The following TFDP2 variants were observed in gnomAD, a reference collection of about 807,000 sequenced individuals.
TFDP2 encodes the protein transcription factor Dp-2.
In TFDP2, 17 loss-of-function variants were observed where a neutral mutation model predicts 59.3. The observed-to-expected ratio is 0.29, with a 90% CI of 0.20 to 0.43. TFDP2 has a LOEUF of 0.43. Ranked by LOEUF, TFDP2 falls within the 20% of genes least tolerant of loss-of-function variation. The pLI is 1.00. For synonymous variants in TFDP2, 180 were observed against 194.7 expected (o/e 0.92, Z 0.63); for missense variants, 391 against 528.8 (o/e 0.74, Z 2.56).
At chr3:142,033,638 G>C (rs4683661) in intron 3 of TFDP2, among the ~76,000 whole-genome samples, 11,033 of 152,262 alleles carry the variant, frequency 0.072, 505 homozygotes, top group Non-Finnish European at 0.11. Context: ...GTTAGGGAGG[G>C]ACAAAATTTT....
chr3:142,040,703 T>G (rs1428877006), intron 3 of TFDP2, among the ~76,000 whole-genome samples: 1 of 152,210 alleles, frequency 6.6e-6, no homozygotes, highest in Non-Finnish European at 1.5e-5. Flanking sequence ...ATGTTGGGAT[T>G]ACAGGTGTGA....
chr3:142,137,434 G>A (rs1163255729), intron 1 of TFDP2, among the ~76,000 whole-genome samples: 2 of 152,208 alleles, frequency 1.3e-5, no homozygotes, highest in African/African-American at 2.4e-5. Flanking sequence ...TAGAAGTGGT[G>A]AGAGAGGGCA....
At chr3:142,120,485 A>G (rs943619356) in intron 1 of TFDP2, among the ~76,000 whole-genome samples, 2 of 152,244 alleles carry the variant, frequency 1.3e-5, no homozygotes, top group African/African-American at 4.8e-5. Flanking sequence ...GGATGCAATC[A>G]TTAGTAATAA....
Position 141,995,035 on chromosome 3 carries a change from G to A in TFDP2, c.293C>T (p.Thr98Ile), listed in dbSNP as rs1316709187. The change falls in exon 5 of 13, where the codon ACT (threonine) becomes ATT (isoleucine). Residue 98 changes from threonine (T) to isoleucine (I), a missense_variant. Thr to Ile is a moderately conservative substitution (Grantham distance 89). Transcript: ENST00000489671. ...MVTQTHIAEA[T>I]GWVPGDRKRA... ...ACACTCTTACCCAGGGACCCAGCCA[G>A]TAGCTTCTGCTATGTGTGTCTGAGT... The A allele has an allele frequency of 1.3e-6, 2 of 1,595,924 alleles. No homozygotes were observed. The highest frequency in any genetic ancestry group is 1.7e-6 in the Non-Finnish European group (2 of 1,171,340).
intron 5 of TFDP2, among the ~76,000 whole-genome samples, chr3:141,993,794 C>A (rs992299318): frequency 6.6e-6 from 1 of 152,110 alleles, no homozygotes; most frequent in East Asian, 1.9e-4. Flanking sequence ...TTGAAAAGAG[C>A]TCAATGACTA....
chr3:141,978,439 A>G, intron 7 of TFDP2, 81 bp downstream of exon 7: 1 of 1,390,202 alleles, frequency 7.2e-7, no homozygotes, highest in African/African-American at 1.5e-5. Context: ...TATAGTCGTG[A>G]TTCCTCAAAT....
At chr3:142,020,043 A>G (rs1433247006) in intron 3 of TFDP2, among the ~76,000 whole-genome samples, 1 of 152,196 alleles carries the variant, frequency 6.6e-6, no homozygotes, top group African/African-American at 2.4e-5. Flanking sequence ...AGCTTCAAAT[A>G]CAGTACTGAA....
At chr3:142,144,404 G>T (rs2063087972) in intron 1 of TFDP2, among the ~76,000 whole-genome samples, 1 of 151,866 alleles carries the variant, frequency 6.6e-6, no homozygotes, top group Non-Finnish European at 1.5e-5. Flanking sequence ...GGGGTGGAGG[G>T]GTTTGAATTT....
In TFDP2 at chr3:141,948,121, C is replaced by T. The variant is rs145252632; in HGVS notation, c.*4392G>A. 1 of 152,300 alleles carries T rather than the reference C, an allele frequency of 6.6e-6. No homozygotes were observed. Among genetic ancestry groups the T allele is most frequent in the Non-Finnish European group, 1.5e-5 (1 of 68,118 alleles). The allele number at this position is 152,300 out of a possible 1,614,324, so 9.4% of individuals were successfully genotyped here. A position where few individuals can be genotyped will look rare whatever the true frequency, so the allele number is the denominator to read the frequency against. ...AAGATTCACTGTCCAACCCCCACCC[C>T]TTACTTACCACTAAGGCAGCACAGT... On this transcript the variant is annotated 3_prime_UTR_variant, in exon 13 of 13. Transcript: ENST00000489671.
In TFDP2 at chr3:142,093,141, T is replaced by C; in HGVS notation, c.16-14A>G. On this transcript the variant is annotated splice_polypyrimidine_tract_variant and intron_variant, in intron 2 of 12. Coordinates refer to ENST00000489671, the MANE Select transcript of TFDP2 (RefSeq NM_001178139.2). ...AGTCAAACCAACCTGAATAAAACCGTTTAAAAAGTTAAAAATAGAATATTA... is the reference window on the plus strand; with the variant it reads ...AGTCAAACCAACCTGAATAAAACCGCTTAAAAAGTTAAAAATAGAATATTA... 6.6e-7 allele frequency: 1 copy of C among 1,522,442 alleles called. No homozygotes were observed. The highest frequency in any genetic ancestry group is 1.4e-5 in the African/African-American group (1 of 72,732). 94.3% of individuals were successfully genotyped at this position (1,522,442 alleles called of 1,614,324 possible).
At position 142,033,869 on chromosome 3, in the gene TFDP2, G is replaced by A. The variant is rs529100459; in HGVS notation, c.83-28325C>T. 2.0e-4 allele frequency among the ~76,000 whole-genome samples: 31 copies of A among 152,178 alleles called. 1 individual carries two copies. Among genetic ancestry groups the A allele is most frequent in the Admixed American group, 1.3e-3 (20 of 15,280 alleles). On this transcript the variant is annotated intron_variant, in intron 3 of 12. Coordinates refer to ENST00000489671, the MANE Select transcript of TFDP2 (RefSeq NM_001178139.2). ...ACCAGGAGGGTCCACTTTGCAAAAG[G>A]GTCTTTTGTAGGCAACAAGGGCTTT...
intron 1 of TFDP2, among the ~76,000 whole-genome samples, chr3:142,125,440 T>C (rs1327641764): frequency 6.6e-6 from 1 of 152,104 alleles, no homozygotes; most frequent in Non-Finnish European, 1.5e-5. Flanking sequence ...CAAATAGAAA[T>C]TTATACATCC....
In TFDP2 at chr3:141,964,608, T is replaced by A. The variant is rs772397499; in HGVS notation, c.733-645A>T. 2.0e-5 allele frequency among the ~76,000 whole-genome samples: 3 copies of A among 152,254 alleles called. No homozygotes were observed. In the East Asian group the frequency reaches 5.8e-4, roughly 29 times the overall value. On this transcript the variant is annotated intron_variant, in intron 9 of 12. Transcript: ENST00000489671. ...CAGAATTTGCTGTGAGCAGAGATCA[T>A]ACCACTCCATTCCAGCCTGGGTGAC...
In TFDP2 at chr3:141,961,630, A is replaced by AT. The variant is rs1937376776; in HGVS notation, c.885-1791dup. 2.0e-5 allele frequency among the ~76,000 whole-genome samples: 3 copies of AT among 152,290 alleles called. No homozygotes were observed. The South Asian group carries it at 6.2e-4, about 32-fold the overall frequency. ...TGCAAGTGTGTGGAAAATAATTCAG[A>AT]TATCTACCACTTACTGACCACTGGG... On this transcript the variant is annotated intron_variant, in intron 10 of 12. Coordinates refer to ENST00000489671, the MANE Select transcript of TFDP2 (RefSeq NM_001178139.2).
At chr3:142,136,445 T>C (rs1208163211) in intron 1 of TFDP2, among the ~76,000 whole-genome samples, 1 of 151,728 alleles carries the variant, frequency 6.6e-6, no homozygotes, top group Non-Finnish European at 1.5e-5. Context: ...ATTTGTCTAT[T>C]TGGCTTTTGT....
Position 142,131,562 on chromosome 3 carries a change from A to G in TFDP2, c.-93+17621T>C, listed in dbSNP as rs572703116. Among the ~76,000 whole-genome samples the G allele has an allele frequency of 2.7e-5, 4 of 150,562 alleles. No individual in the cohort carries two copies. The East Asian group carries it at 7.7e-4, about 29-fold the overall frequency. On this transcript the variant is annotated intron_variant, in intron 1 of 12. Transcript: ENST00000489671. ...AGGACCCATATGTTAAATTGTAAGT[A>G]AATTTATGATTAGCAACAAATTAAT...
rs1559887221 is a variant in TFDP2, at chr3:141,946,141, C to T, written c.*6372G>A. The T allele has an allele frequency of 6.6e-6, 1 of 152,310 alleles. No homozygotes were observed. Among genetic ancestry groups the T allele is most frequent in the Non-Finnish European group, 1.5e-5 (1 of 68,116 alleles). The allele number at this position is 152,310 out of a possible 1,614,324, so 9.4% of individuals were successfully genotyped here. The stretch of plus-strand genomic sequence containing the variant: ...GTGGCCCTCACGGAGGGAAGAAGCT[C>T]TGGGTTTTGGTGCAGGCTCTGCCAC... On this transcript the variant is annotated 3_prime_UTR_variant, in exon 13 of 13. Coordinates refer to ENST00000489671, the MANE Select transcript of TFDP2 (RefSeq NM_001178139.2).
chr3:141,961,784 C>G (rs1470819097), intron 10 of TFDP2, among the ~76,000 whole-genome samples: 1 of 152,068 alleles, frequency 6.6e-6, no homozygotes, highest in Admixed American at 6.6e-5. Flanking sequence ...AAAAATGGAT[C>G]AGCTTTAGTT....
chr3:142,082,617 C>T (rs1042742715), intron 3 of TFDP2, among the ~76,000 whole-genome samples: 2 of 152,132 alleles, frequency 1.3e-5, no homozygotes, highest in Admixed American at 6.5e-5. Context: ...ATGCAAAAAC[C>T]CTCAACAAAA....
Sources: gnomAD v4.1 joint callset for allele counts (sites outside exome capture counted in the v4.1 genomes callset) on GRCh38, gnomAD v4.1.1 for gene constraint, MANE v1.5 for transcripts, NCBI Gene and HGNC (gene_info 2026-07-23, HGNC 2026-07-21) for gene names.